Variants in STK3 observed in about 807,000 individuals in gnomAD.
STK3 encodes the protein serine/threonine kinase 3, also known as serine/threonine-protein kinase 3.
In STK3, 41 loss-of-function variants were observed where a neutral mutation model predicts 58.0. The observed-to-expected ratio is 0.71, with a 90% CI of 0.55 to 0.92. The LOEUF is 0.92. STK3 is among the 40% of genes least tolerant of loss of function. STK3 has a pLI of 0.00. For synonymous variants in STK3, 170 were observed against 191.0 expected (o/e 0.89, Z 0.91); for missense variants, 479 against 602.7 (o/e 0.79, Z 2.15).
intron 6 of STK3, among the ~76,000 whole-genome samples, chr8:98,614,704 A>C (rs573447854): frequency 6.6e-6 from 1 of 152,304 alleles, no homozygotes; most frequent in South Asian, 2.1e-4. Flanking sequence ...TGATGGATGC[A>C]CCTGGAAAAT....
the STK3 span, among the ~76,000 whole-genome samples, chr8:98,355,913 T>C: frequency 6.6e-6 from 1 of 152,248 alleles, no homozygotes; most frequent in Non-Finnish European, 1.5e-5. Flanking sequence ...AAGGGGCTTC[T>C]AAGATGGTTC....
chr8:98,540,297 A>C (rs1810133095), intron 9 of STK3, among the ~76,000 whole-genome samples: 2 of 152,188 alleles, frequency 1.3e-5, no homozygotes, highest in East Asian at 3.9e-4. Flanking sequence ...AATTTTAAAA[A>C]ACGTATTTTA....
chr8:98,716,138 G>A (rs545860501), intron 4 of STK3, among the ~76,000 whole-genome samples: 50 of 152,254 alleles, frequency 3.3e-4, no homozygotes, highest in African/African-American at 1.2e-3. Flanking sequence ...CTGTTGTGGG[G>A]TGTGGGGAGT....
intron 3 of STK3, among the ~76,000 whole-genome samples, chr8:98,834,275 C>T (rs1300575461): frequency 1.3e-5 from 2 of 152,172 alleles, no homozygotes; most frequent in South Asian, 2.1e-4. Flanking sequence ...ATAACTGCTG[C>T]TAACTGGAGT....
intron 1 of STK3, among the ~76,000 whole-genome samples, chr8:98,895,565 G>A (rs1838414387): frequency 6.6e-6 from 1 of 152,150 alleles, no homozygotes; most frequent in African/African-American, 2.4e-5. Context: ...CTGTTTAGGG[G>A]AAAGGTTTTC....
chr8:98,905,532 G>T, intron 1 of STK3: 1 of 1,063,200 alleles, frequency 9.4e-7, no homozygotes, highest in Non-Finnish European at 1.5e-6. Context: ...ATCCTCAGCC[G>T]CCGTCTTGTC....
intron 6 of STK3, among the ~76,000 whole-genome samples, chr8:98,686,312 G>A (rs1285600242): frequency 6.6e-6 from 1 of 152,146 alleles, no homozygotes; most frequent in African/African-American, 2.4e-5. Context: ...CAATTTGGGA[G>A]AGAAGAGATA....
At chr8:98,849,638 C>T (rs925183958) in intron 3 of STK3, among the ~76,000 whole-genome samples, 3 of 152,182 alleles carry the variant, frequency 2.0e-5, no homozygotes, top group Non-Finnish European at 2.9e-5. Context: ...TTCAGCAATC[C>T]TTTTTCTGCT....
chr8:98,435,092 G>GC (rs1484123275), intron 2 of STK3, among the ~76,000 whole-genome samples: 1 of 152,186 alleles, frequency 6.6e-6, no homozygotes, highest in Non-Finnish European at 1.5e-5. Context: ...GAGCACAGGA[G>GC]CCCCCTGGAA....
intron 4 of STK3, among the ~76,000 whole-genome samples, chr8:98,733,233 T>C (rs1451050330): frequency 1.3e-5 from 2 of 152,236 alleles, no homozygotes; most frequent in African/African-American, 2.4e-5. Context: ...ACCTGCCCTT[T>C]TGAAGCTTAT....
intron 10 of STK3, among the ~76,000 whole-genome samples, chr8:98,474,737 CT>C (rs1361365424): frequency 6.6e-6 from 1 of 152,148 alleles, no homozygotes; most frequent in African/African-American, 2.4e-5. Context: ...CAAATTTTCC[CT>C]GTAAGCATAC....
chr8:98,673,465 T>C (rs1311331522), intron 6 of STK3, among the ~76,000 whole-genome samples: 1 of 152,090 alleles, frequency 6.6e-6, no homozygotes, highest in African/African-American at 2.4e-5. Flanking sequence ...TGCTACAACA[T>C]AAATGAACCT....
At chr8:98,843,975 C>T (rs1248827942) in intron 3 of STK3, among the ~76,000 whole-genome samples, 1 of 152,110 alleles carries the variant, frequency 6.6e-6, no homozygotes, top group Admixed American at 6.6e-5. Flanking sequence ...GCATAGCCAA[C>T]AAAATGGGAC....
chr8:98,371,579 T>G (rs902251399), exon 3 of STK3: 2 of 152,226 alleles, frequency 1.3e-5, no homozygotes, highest in African/African-American at 4.8e-5. Context: ...CTCTGATATT[T>G]TCTTCTTCAA....
chr8:98,919,229 T>G (rs1839458763), intron 1 of STK3, among the ~76,000 whole-genome samples: 1 of 152,208 alleles, frequency 6.6e-6, no homozygotes, highest in Non-Finnish European at 1.5e-5. Context: ...AGAGGGACAT[T>G]TTGAGGCTAA....
At chr8:98,629,668 A>G (rs1243179089) in intron 6 of STK3, among the ~76,000 whole-genome samples, 1 of 152,204 alleles carries the variant, frequency 6.6e-6, no homozygotes, top group Non-Finnish European at 1.5e-5. Context: ...ATAAACTAGG[A>G]TGGTAGTATT....
At chr8:98,832,838 C>G (rs1835590870) in intron 3 of STK3, among the ~76,000 whole-genome samples, 1 of 152,122 alleles carries the variant, frequency 6.6e-6, no homozygotes, top group South Asian at 2.1e-4. Flanking sequence ...ATGTTCCAGG[C>G]CTTACATGGA....
At chr8:98,618,477 G>A (rs1269180942) in intron 6 of STK3, among the ~76,000 whole-genome samples, 6 of 151,940 alleles carry the variant, frequency 3.9e-5, no homozygotes, top group South Asian at 4.2e-4. Context: ...AATCAGGCAG[G>A]AGAAGGAAAT....
intron 3 of STK3, among the ~76,000 whole-genome samples, chr8:98,877,266 C>G (rs1051169429): frequency 6.6e-6 from 1 of 152,122 alleles, no homozygotes; most frequent in East Asian, 1.9e-4. Context: ...CAATGTGAGT[C>G]TGGAATTTAA....
Sources: gnomAD v4.1 joint callset for allele counts (sites outside exome capture counted in the v4.1 genomes callset) on GRCh38, gnomAD v4.1.1 for gene constraint, MANE v1.5 for transcripts, NCBI Gene and HGNC (gene_info 2026-07-23, HGNC 2026-07-21) for gene names.